The following NAALADL2 variants were observed in gnomAD, a reference collection of about 807,000 sequenced individuals.
NAALADL2 encodes inactive N-acetylated-alpha-linked acidic dipeptidase-like protein 2.
A neutral mutation model predicts 87.2 loss-of-function variants in NAALADL2; 76 were observed. The observed-to-expected ratio is 0.87, with a 90% CI of 0.72 to 1.05. NAALADL2 has a LOEUF of 1.05. Ranked by LOEUF, NAALADL2 falls within the 50% of genes least tolerant of loss-of-function variation. The pLI is 0.00. For missense variants in NAALADL2, 1,089 were observed against 945.8 expected (o/e 1.15, Z -1.99); for synonymous variants, 354 against 331.0 (o/e 1.07, Z -0.75).
At chr3:174,450,819 G>A (rs571087016) in intron 1 of NAALADL2, among the ~76,000 whole-genome samples, 9 of 137,330 alleles carry the variant, frequency 6.6e-5, no homozygotes, top group Admixed American at 4.7e-4. Flanking sequence ...GTAGTGAGCC[G>A]AGATCATGCC....
intron 11 of NAALADL2, among the ~76,000 whole-genome samples, chr3:175,690,193 G>A (rs1412215352): frequency 1.3e-5 from 2 of 151,920 alleles, no homozygotes; most frequent in Non-Finnish European, 2.9e-5. Context: ...TTCATATTGG[G>A]CCAAATTAAA....
chr3:174,487,750 C>T (rs4318562), intron 1 of NAALADL2, among the ~76,000 whole-genome samples: 38,715 of 150,264 alleles, frequency 0.26, 5,648 homozygotes, highest in South Asian at 0.46. Flanking sequence ...GGCAGGTAGA[C>T]GTGTCTATGC....
At chr3:175,297,329 A>C (rs1756514094) in intron 4 of NAALADL2, among the ~76,000 whole-genome samples, 1 of 152,188 alleles carries the variant, frequency 6.6e-6, no homozygotes, top group African/African-American at 2.4e-5. Context: ...ATTATCAGCT[A>C]CCATCACCAG....
At chr3:175,711,836 T>TAA (rs11425633) in intron 11 of NAALADL2, among the ~76,000 whole-genome samples, 4 of 151,518 alleles carry the variant, frequency 2.6e-5, no homozygotes, top group African/African-American at 9.7e-5. Context: ...TTTCAGTTTT[T>TAA]AAAAAAATGA....
intron 2 of NAALADL2, among the ~76,000 whole-genome samples, chr3:175,194,916 A>G (rs1442225026): frequency 6.6e-6 from 1 of 151,800 alleles, no homozygotes; most frequent in African/African-American, 2.4e-5. Context: ...AAATTATACA[A>G]GAGTCATGCC....
intron 1 of NAALADL2, among the ~76,000 whole-genome samples, chr3:174,980,810 T>C (rs1579842363): frequency 1.7e-5 from 2 of 121,170 alleles, no homozygotes; most frequent in East Asian, 4.7e-4. Flanking sequence ...CCTCACTTGA[T>C]TATTGATTTA....
At chr3:175,794,775 T>G (rs1006241716) in intron 13 of NAALADL2, among the ~76,000 whole-genome samples, 13 of 152,230 alleles carry the variant, frequency 8.5e-5, no homozygotes, top group Non-Finnish European at 1.5e-4. Flanking sequence ...CTCTTCAAGA[T>G]GATAATTCAT....
chr3:175,710,585 GATAT>G (rs147185491), intron 11 of NAALADL2, among the ~76,000 whole-genome samples: 108 of 145,908 alleles, frequency 7.4e-4, no homozygotes, highest in South Asian at 1.9e-3. Context: ...TACGTATTCA[GATAT>G]ATATATATAC....
intron 2 of NAALADL2, among the ~76,000 whole-genome samples, chr3:174,621,545 T>C (rs1720994673): frequency 6.6e-6 from 1 of 152,092 alleles, no homozygotes; most frequent in African/African-American, 2.4e-5. Context: ...TTGAGGTCTA[T>C]ATATATAGAC....
At chr3:175,194,613 A>G (rs376504736) in intron 2 of NAALADL2, among the ~76,000 whole-genome samples, 4 of 151,854 alleles carry the variant, frequency 2.6e-5, no homozygotes, top group African/African-American at 9.7e-5. Context: ...TATTGGGTCA[A>G]CTTTTATAGA....
intron 9 of NAALADL2, among the ~76,000 whole-genome samples, chr3:175,545,813 T>C (rs1199872276): frequency 6.6e-6 from 1 of 152,192 alleles, no homozygotes; most frequent in Admixed American, 6.6e-5. Flanking sequence ...AAAAGTTTAC[T>C]TCTTTAATAT....
intron 1 of NAALADL2, among the ~76,000 whole-genome samples, chr3:174,963,282 T>C (rs897145125): frequency 3.3e-5 from 5 of 152,146 alleles, no homozygotes; most frequent in African/African-American, 9.6e-5. Flanking sequence ...TAATTCATGG[T>C]AAACTTTTAT....
intron 1 of NAALADL2, among the ~76,000 whole-genome samples, chr3:174,982,091 T>G (rs576411273): frequency 6.6e-6 from 1 of 152,224 alleles, no homozygotes; most frequent in African/African-American, 2.4e-5. Flanking sequence ...TGTGCTCCGA[T>G]AGTGACTGGC....
intron 5 of NAALADL2, among the ~76,000 whole-genome samples, chr3:175,344,834 A>T (rs1762958266): frequency 6.6e-6 from 1 of 152,196 alleles, no homozygotes; most frequent in Non-Finnish European, 1.5e-5. Flanking sequence ...TTAGAAATAA[A>T]ATACTTTTAT....
intron 1 of NAALADL2, among the ~76,000 whole-genome samples, chr3:174,971,253 A>G (rs144834398): frequency 1.3e-5 from 2 of 152,330 alleles, no homozygotes; most frequent in African/African-American, 4.8e-5. Context: ...GCCAAACCAT[A>G]TTGGGCATCT....
chr3:174,500,133 T>C (rs2108366469), intron 1 of NAALADL2, among the ~76,000 whole-genome samples: 1 of 152,266 alleles, frequency 6.6e-6, no homozygotes, highest in African/African-American at 2.4e-5. Flanking sequence ...ATAGGTCTTC[T>C]ACACCTTTTG....
intron 1 of NAALADL2, among the ~76,000 whole-genome samples, chr3:174,444,670 C>T (rs1233345804): frequency 6.6e-6 from 1 of 152,136 alleles, no homozygotes; most frequent in African/African-American, 2.4e-5. Context: ...CAGTAACGTT[C>T]TAAGAATATT....
At chr3:174,568,827 C>CT (rs1560061897) in intron 2 of NAALADL2, among the ~76,000 whole-genome samples, 1 of 150,956 alleles carries the variant, frequency 6.6e-6, no homozygotes, top group Non-Finnish European at 1.5e-5. Flanking sequence ...TATTATTATT[C>CT]TTTTTTTAAA....
At chr3:174,925,254 G>T (rs1336806753) in intron 1 of NAALADL2, among the ~76,000 whole-genome samples, 1 of 152,290 alleles carries the variant, frequency 6.6e-6, no homozygotes, top group East Asian at 1.9e-4. Context: ...TGTATAAGGT[G>T]TAAGGAAGGG....
Sources: gnomAD v4.1 joint callset for allele counts (sites outside exome capture counted in the v4.1 genomes callset) on GRCh38, gnomAD v4.1.1 for gene constraint, MANE v1.5 for transcripts, NCBI Gene and HGNC (gene_info 2026-07-23, HGNC 2026-07-21) for gene names.